SMAD4: variants seen among roughly 807,000 people sequenced by gnomAD.
The protein encoded by SMAD4 is MAD homolog 4.
In SMAD4, 7 loss-of-function variants were observed where a neutral mutation model predicts 63.2. The ratio of observed to expected loss-of-function variants is 0.11; its 90% CI spans 0.06 to 0.21. The LOEUF (loss-of-function observed/expected upper bound fraction) is 0.21, where lower values mean the gene tolerates loss of function less well. Among genes scored for constraint, SMAD4 ranks in the 10% least tolerant of loss-of-function variants. The pLI, the probability that SMAD4 is intolerant of heterozygous loss-of-function variation, is 1.00. For missense variants in SMAD4, 312 were observed against 693.8 expected (o/e 0.45, Z 6.18); for synonymous variants, 215 against 235.4 (o/e 0.91, Z 0.79).
intron 1 of SMAD4, among the ~76,000 whole-genome samples, chr18:51,034,710 T>A (rs1449159271): frequency 1.3e-5 from 2 of 152,062 alleles, no homozygotes; most frequent in Non-Finnish European, 2.9e-5. Flanking sequence ...CCTGTCTAAT[T>A]TTTTGAAAAA....
chr18:51,076,950 A>T (rs1339101280), intron 11 of SMAD4, 174 bp downstream of exon 11: 5 of 547,694 alleles, frequency 9.1e-6, no homozygotes, highest in Non-Finnish European at 1.6e-5. Flanking sequence ...CTTTTTGCCT[A>T]TGACCCTGTT....
Position 51,080,025 on chromosome 18 carries a change from A to G in SMAD4, c.*1558A>G, listed in dbSNP as rs1458329427. On this transcript the variant is annotated 3_prime_UTR_variant, in exon 12 of 12. Coordinates refer to ENST00000342988, the MANE Select transcript of SMAD4 (RefSeq NM_005359.6). The stretch of plus-strand genomic sequence containing the variant: ...AGAAATAGACCTGATTATCTACAAG[A>G]TGATAAATAGATTGTCTACAGGATA... 1 of 231,246 alleles carries G rather than the reference A, an allele frequency of 4.3e-6. No homozygotes were observed. Among genetic ancestry groups the G allele is most frequent in the African/African-American group, 2.2e-5 (1 of 45,128 alleles). 14.3% of individuals were successfully genotyped at this position (231,246 alleles called of 1,614,324 possible). A position where few individuals can be genotyped will look rare whatever the true frequency, so the allele number is the denominator to read the frequency against.
At chr18:51,061,034 A>C (rs1909997993) in intron 8 of SMAD4, among the ~76,000 whole-genome samples, 1 of 151,410 alleles carries the variant, frequency 6.6e-6, no homozygotes, top group Admixed American at 6.6e-5. Context: ...CCACCACACC[A>C]AGCTTGAAAA....
chr18:51,031,737 C>CAAAA (rs373402789), intron 1 of SMAD4, among the ~76,000 whole-genome samples: 62 of 134,536 alleles, frequency 4.6e-4, no homozygotes, highest in African/African-American at 1.5e-3. Context: ...CATTTAGTAT[C>CAAAA]AAAAAAAAAA....
chr18:51,063,618 G>T (rs548223792), intron 8 of SMAD4, among the ~76,000 whole-genome samples: 1 of 151,902 alleles, frequency 6.6e-6, no homozygotes, highest in Non-Finnish European at 1.5e-5. Context: ...TCACCATGTT[G>T]CCCAGGCTGG....
At chr18:51,070,933 C>G (rs938862845) in intron 10 of SMAD4, among the ~76,000 whole-genome samples, 1 of 152,074 alleles carries the variant, frequency 6.6e-6, no homozygotes, top group Admixed American at 6.6e-5. Flanking sequence ...TGTTGTTAAT[C>G]TCTTACTATG....
intron 1 of SMAD4, among the ~76,000 whole-genome samples, chr18:51,033,506 A>G (rs925211745): frequency 6.6e-6 from 1 of 152,204 alleles, no homozygotes; most frequent in Admixed American, 6.5e-5. Context: ...AGCATTTAAT[A>G]CAGTTTTGTA....
rs189948351 is a variant in SMAD4 at position 51,083,187 on chromosome 18, A to G, written c.*4720A>G. On this transcript the variant is annotated 3_prime_UTR_variant, in exon 12 of 12. Transcript: ENST00000342988. Reference sequence around the variant, plus strand: ...AAATTAGCATCAGTAGCCAGAGGCAATACCGTTGTCTGGAGGACACCAGCA... The same window carrying G: ...AAATTAGCATCAGTAGCCAGAGGCAGTACCGTTGTCTGGAGGACACCAGCA... The G allele has an allele frequency of 1.8e-5, 4 of 227,442 alleles. No individual in the cohort carries two copies. The Admixed American group carries it at 2.3e-4, about 13-fold the overall frequency. The allele number at this position is 227,442 out of a possible 1,614,324, so 14.1% of individuals were successfully genotyped here. A position where few individuals can be genotyped will look rare whatever the true frequency, so the allele number is the denominator to read the frequency against.
chr18:51,079,578 G>C lies in SMAD4; in HGVS notation c.*1111G>C, dbSNP rs1401590984. The C allele has an allele frequency of 4.3e-6, 1 of 233,110 alleles. No homozygotes were observed. The highest frequency in any genetic ancestry group is 8.5e-6 in the Non-Finnish European group (1 of 117,860). 14.4% of individuals were successfully genotyped at this position (233,110 alleles called of 1,614,324 possible). A position where few individuals can be genotyped will look rare whatever the true frequency, so the allele number is the denominator to read the frequency against. The stretch of plus-strand genomic sequence containing the variant: ...TGATATTGTTTAAAATTCAGTTTTT[G>C]TATCTTGGGGCAAGACTGCAAACTT... On this transcript the variant is annotated 3_prime_UTR_variant, in exon 12 of 12. Coordinates refer to ENST00000342988, the MANE Select transcript of SMAD4 (RefSeq NM_005359.6).
In SMAD4 at chr18:51,068,425, G is replaced by A. The variant is rs749434501; in HGVS notation, c.1308+1238G>A. Among the ~76,000 whole-genome samples the A allele has an allele frequency of 2.0e-5, 3 of 152,190 alleles. No individual in the cohort carries two copies. In the South Asian group the frequency reaches 6.2e-4, roughly 32 times the overall value. Reference sequence around the variant, plus strand: ...TGTGAGTAACTCATAAAATACTCCTGTGTAACTCACAAATCTATACAGACT... The same window carrying A: ...TGTGAGTAACTCATAAAATACTCCTATGTAACTCACAAATCTATACAGACT... On this transcript the variant is annotated intron_variant, in intron 10 of 11. Coordinates refer to ENST00000342988, the MANE Select transcript of SMAD4 (RefSeq NM_005359.6).
At chr18:51,042,975 T>C (rs1909434741) in intron 1 of SMAD4, among the ~76,000 whole-genome samples, 1 of 152,242 alleles carries the variant, frequency 6.6e-6, no homozygotes, top group South Asian at 2.1e-4. Flanking sequence ...ACATTTGTAA[T>C]GATTCTGTAT....
intron 11 of SMAD4, among the ~76,000 whole-genome samples, chr18:51,077,752 C>T (rs1374215242): frequency 6.6e-6 from 1 of 152,150 alleles, no homozygotes; most frequent in African/African-American, 2.4e-5. Context: ...TCAGTTGCCA[C>T]CACTGAGTAA....
At chr18:51,045,166 T>TA (rs947002069) in intron 1 of SMAD4, 2 of 152,152 alleles carry the variant, frequency 1.3e-5, no homozygotes, top group African/African-American at 4.8e-5. Flanking sequence ...AATGTAGGGA[T>TA]AGTGAAGGAA....
At chr18:51,032,800 A>G (rs891685801) in intron 1 of SMAD4, among the ~76,000 whole-genome samples, 3 of 152,140 alleles carry the variant, frequency 2.0e-5, no homozygotes, top group Admixed American at 6.5e-5. Flanking sequence ...AGGGTTCATT[A>G]TATTTAAACT....
chr18:51,076,592 A>G (rs1316323411), intron 10 of SMAD4, 46 bp from the exon 11 acceptor site: 2 of 1,587,896 alleles, frequency 1.3e-6, no homozygotes, highest in South Asian at 1.1e-5. Context: ...TAATGTATGG[A>G]ATTTTTCTTT....
In SMAD4 at chr18:51,082,918, C is replaced by T. The variant is rs898772613; in HGVS notation, c.*4451C>T. Reference sequence around the variant, plus strand: ...TAGAACGTTCTTTAAAACACAAGTACAAACTCTGGGACAGGACCCAAGACA... The same window carrying T: ...TAGAACGTTCTTTAAAACACAAGTATAAACTCTGGGACAGGACCCAAGACA... On this transcript the variant is annotated 3_prime_UTR_variant, in exon 12 of 12. Transcript: ENST00000342988. 2.7e-5 allele frequency: 6 copies of T among 225,982 alleles called. No homozygotes were observed. Among genetic ancestry groups the T allele is most frequent in the African/African-American group, 1.3e-4 (6 of 44,920 alleles). The allele number at this position is 225,982 out of a possible 1,614,324, so 14.0% of individuals were successfully genotyped here.
intron 1 of SMAD4, among the ~76,000 whole-genome samples, chr18:51,039,233 A>T (rs1018440515): frequency 3.3e-5 from 5 of 152,190 alleles, no homozygotes; most frequent in African/African-American, 9.7e-5. Flanking sequence ...GGTTTGTACT[A>T]TATTGCTGTT....
intron 1 of SMAD4, among the ~76,000 whole-genome samples, chr18:51,034,201 TCTCC>T (rs758269238): frequency 6.8e-4 from 103 of 151,786 alleles, no homozygotes; most frequent in Non-Finnish European, 1.1e-3. Context: ...TTCTCTCCTG[TCTCC>T]CTCCCTCCCT....
intron 1 of SMAD4, among the ~76,000 whole-genome samples, chr18:51,038,138 T>A (rs1357172957): frequency 6.6e-6 from 1 of 151,992 alleles, no homozygotes; most frequent in East Asian, 1.9e-4. Flanking sequence ...TGGCATGTAG[T>A]TCTAGCTGCT....
Sources: allele counts gnomAD v4.1 joint callset (sites outside exome capture counted in the v4.1 genomes callset), GRCh38; gene constraint gnomAD v4.1.1; transcripts MANE v1.5; gene names NCBI Gene and HGNC (gene_info 2026-07-23, HGNC 2026-07-21).